The following SPATA2 variants were observed in gnomAD, a reference collection of about 807,000 sequenced individuals.
SPATA2 encodes spermatogenesis associated 2.
A neutral mutation model predicts 35.4 loss-of-function variants in SPATA2; 8 were observed. The observed-to-expected ratio is 0.23, with a 90% CI of 0.13 to 0.41. The LOEUF (loss-of-function observed/expected upper bound fraction) is 0.41, where lower values mean the gene tolerates loss of function less well. Ranked by LOEUF, SPATA2 falls within the 10% of genes least tolerant of loss-of-function variation. The pLI is 1.00. For missense variants in SPATA2, 650 were observed against 698.7 expected, an observed-to-expected ratio of 0.93 and a Z score of 0.79; for synonymous variants, 293 against 300.9, an observed-to-expected ratio of 0.97 and a Z score of 0.27.
chr20:49,909,883 T>C (rs1160219184), intron 1 of SPATA2, among the ~76,000 whole-genome samples: 1 of 152,214 alleles, frequency 6.6e-6, no homozygotes, highest in Non-Finnish European at 1.5e-5. Context: ...GATACGGTCT[T>C]ATTTACAATT....
chr20:49,905,521 G>T lies in SPATA2; in HGVS notation c.*98C>A. Reference sequence around the variant, plus strand: ...TCTGCCACCTACATGGTCAAGTGCAGGCCTCCGCCTCTGAGATCAATGCGT... The same window carrying T: ...TCTGCCACCTACATGGTCAAGTGCATGCCTCCGCCTCTGAGATCAATGCGT... On this transcript the variant is annotated 3_prime_UTR_variant, in exon 3 of 3. Coordinates refer to ENST00000289431, the MANE Select transcript of SPATA2 (RefSeq NM_006038.4). 7.2e-7 allele frequency: 1 copy of T among 1,395,734 alleles called. No homozygotes were observed. The highest frequency in any genetic ancestry group is 9.9e-7 in the Non-Finnish European group (1 of 1,014,856). 86.5% of individuals were successfully genotyped at this position (1,395,734 alleles called of 1,614,324 possible).
intron 1 of SPATA2, among the ~76,000 whole-genome samples, chr20:49,909,504 G>A (rs911407645): frequency 2.7e-5 from 4 of 150,734 alleles, no homozygotes; most frequent in African/African-American, 2.4e-5. Context: ...CCAGGAGCTC[G>A]AGACCAGCCT....
At chr20:49,912,678 C>T (rs577691937) in intron 1 of SPATA2, among the ~76,000 whole-genome samples, 1 of 152,266 alleles carries the variant, frequency 6.6e-6, no homozygotes, top group South Asian at 2.1e-4. Context: ...GTCAGCCAGT[C>T]TCAAGCTCGG....
chr20:49,914,100 C>G (rs2090196307), intron 1 of SPATA2, among the ~76,000 whole-genome samples: 2 of 151,842 alleles, frequency 1.3e-5, no homozygotes, highest in African/African-American at 4.8e-5. Context: ...CAGAGACAGG[C>G]AGGTGCCCAG....
chr20:49,906,791 T>C lies in SPATA2; in HGVS notation c.391A>G (p.Ile131Val), dbSNP rs1166090333. The stretch of plus-strand genomic sequence containing the variant: ...CCCATGCAGCTCAGGATGGCTCGGA[T>C]GTCCTCTTCCAGTAATGTCGACTTG... ...YVKSTLLEED[I>V]RAILSCMGYT... Residue 131 changes from isoleucine to valine, a missense_variant, in exon 3 of 3, where the codon ATC (isoleucine) becomes GTC (valine). Ile to Val is a conservative substitution (Grantham distance 29, BLOSUM62 3). Coordinates refer to ENST00000289431, the MANE Select transcript of SPATA2 (RefSeq NM_006038.4). This position sits in a 1 kb window ranked among gnomAD's most constrained non-coding sequence, Gnocchi z 8.2. 1 of 1,613,692 alleles carries C rather than the reference T, an allele frequency of 6.2e-7. No homozygotes were observed. Among genetic ancestry groups the C allele is most frequent in the Non-Finnish European group, 8.5e-7 (1 of 1,179,616 alleles).
chr20:49,910,988 G>A (rs2146834828), intron 1 of SPATA2, among the ~76,000 whole-genome samples: 1 of 152,336 alleles, frequency 6.6e-6, no homozygotes, highest in South Asian at 2.1e-4. Flanking sequence ...GCCAAGGCAG[G>A]AGGATTGCTC....
rs1279168722 is a variant in SPATA2, at chr20:49,903,722, T to C, written c.*1897A>G. 1 of 151,756 alleles carries C rather than the reference T, an allele frequency of 6.6e-6. No homozygotes were observed. The highest frequency in any genetic ancestry group is 2.4e-5 in the African/African-American group (1 of 41,270). 9.4% of individuals were successfully genotyped at this position (151,756 alleles called of 1,614,324 possible). A position where few individuals can be genotyped will look rare whatever the true frequency, so the allele number is the denominator to read the frequency against. On this transcript the variant is annotated 3_prime_UTR_variant, in exon 3 of 3. Transcript: ENST00000289431. ...GTTAGTTACTGTAATGCTGGCGCAA[T>C]CTGGAAATGGAAAACTAGAAAACTA...
At position 49,904,583 on chromosome 20, in the gene SPATA2, T is replaced by G. The variant is rs2090129199; in HGVS notation, c.*1036A>C. On this transcript the variant is annotated 3_prime_UTR_variant, in exon 3 of 3. Coordinates refer to ENST00000289431, the MANE Select transcript of SPATA2 (RefSeq NM_006038.4). ...GACCTCGACACCCGCGCTCACCCCC[T>G]AAGTGCACACTGGAGGTAGGTGTAT... is the stretch of plus-strand genomic sequence containing the variant. 6.6e-6 allele frequency: 1 copy of G among 152,594 alleles called. No homozygotes were observed. Among genetic ancestry groups the G allele is most frequent in the Non-Finnish European group, 1.5e-5 (1 of 68,048 alleles). 9.5% of individuals were successfully genotyped at this position (152,594 alleles called of 1,614,324 possible). A position where few individuals can be genotyped will look rare whatever the true frequency, so the allele number is the denominator to read the frequency against.
At position 49,908,545 on chromosome 20, in the gene SPATA2, A is replaced by C; in HGVS notation, c.-55T>G. The C allele has an allele frequency of 1.4e-6, 2 of 1,437,998 alleles. No individual in the cohort carries two copies. The highest frequency in any genetic ancestry group is 2.6e-5 in the South Asian group (2 of 76,112). The allele number at this position is 1,437,998 out of a possible 1,614,324, so 89.1% of individuals were successfully genotyped here. ...CATGGCTTCTGGATTAGAGGCAGGG[A>C]CATCACTAAAAGCATGGACATGTTG... On this transcript the variant is annotated 5_prime_UTR_variant, in exon 2 of 3. Coordinates refer to ENST00000289431, the MANE Select transcript of SPATA2 (RefSeq NM_006038.4).
intron 1 of SPATA2, among the ~76,000 whole-genome samples, chr20:49,914,623 C>G (rs879343015): frequency 6.6e-6 from 1 of 152,170 alleles, no homozygotes; most frequent in African/African-American, 2.4e-5. Flanking sequence ...AAGAAATTCA[C>G]ACAGAGTCCT....
chr20:49,907,747 T>C (rs1328211315), intron 2 of SPATA2, among the ~76,000 whole-genome samples: 2 of 152,066 alleles, frequency 1.3e-5, no homozygotes, highest in Non-Finnish European at 2.9e-5. Flanking sequence ...CTCAGCTTGC[T>C]GGGACCGCTG....
Position 49,905,717 on chromosome 20 carries a change from A to G in SPATA2, c.1465T>C (p.Tyr489His), listed in dbSNP as rs1440181665. 1.2e-6 allele frequency: 2 copies of G among 1,614,194 alleles called. 1 individual carries two copies. Among genetic ancestry groups the G allele is most frequent in the Admixed American group, 3.3e-5 (2 of 60,020 alleles). ...TCACTCTTTTTGTAGCAGGGGTCAT[A>G]ATGGTAAGCGCTGAGGCAGGCGTCA... ...SCDACLSAYH[Y>H]DPCYKKSELH... The change falls in exon 3 of 3, where the codon TAT (tyrosine) becomes CAT (histidine). Residue 489 changes from tyrosine to histidine, a missense_variant. By Grantham distance (83) the Tyr-to-His change is moderately conservative. Transcript: ENST00000289431.
At chr20:49,909,989 CCT>C (rs945711424) in intron 1 of SPATA2, among the ~76,000 whole-genome samples, 3 of 152,216 alleles carry the variant, frequency 2.0e-5, no homozygotes, top group Admixed American at 6.5e-5. Flanking sequence ...TTGACAGCCC[CCT>C]GTTGGGAGAG....
At chr20:49,914,623 C>A (rs879343015) in intron 1 of SPATA2, among the ~76,000 whole-genome samples, 4 of 152,170 alleles carry the variant, frequency 2.6e-5, no homozygotes, top group Non-Finnish European at 4.4e-5. Context: ...AAGAAATTCA[C>A]ACAGAGTCCT....
Position 49,906,263 on chromosome 20 carries a change from C to A in SPATA2, c.919G>T (p.Gly307Cys), listed in dbSNP as rs375710720. ...SLLTMASSPH[G>C]SPDVLPPASP... ...GCGGGTGGAAGCACATCCGGGCTGC[C>A]GTGGGGGGAGCTGGCCATGGTCAGC... The change falls in exon 3 of 3, where the codon GGC becomes TGC. Residue 307 changes from glycine to cysteine, a missense_variant. By Grantham distance (159) the Gly-to-Cys change is radical. Coordinates refer to ENST00000289431, the MANE Select transcript of SPATA2 (RefSeq NM_006038.4). This position sits in a 1 kb window ranked among gnomAD's most constrained non-coding sequence, Gnocchi z 8.2. The A allele has an allele frequency of 2.5e-5, 40 of 1,571,000 alleles. No homozygotes were observed. The highest frequency in any genetic ancestry group is 3.2e-5 in the Non-Finnish European group (37 of 1,157,028).
intron 1 of SPATA2, among the ~76,000 whole-genome samples, chr20:49,912,825 AAAAC>A (rs2090188731): frequency 6.6e-6 from 1 of 152,264 alleles, no homozygotes; most frequent in African/African-American, 2.4e-5. Flanking sequence ...AAGCCTATCT[AAAAC>A]AAATCTCAAA....
chr20:49,910,166 G>A (rs903245808), intron 1 of SPATA2, among the ~76,000 whole-genome samples: 2 of 152,232 alleles, frequency 1.3e-5, no homozygotes, highest in South Asian at 2.1e-4. Flanking sequence ...GAGACAACAC[G>A]CGCAGGGTCA....
rs1408313606 is a variant in SPATA2, at chr20:49,906,045, G to A, written c.1137C>T (p.Ala379=). Reference sequence around the variant, plus strand: ...GCCCGCAGCTTTGGCACTTGGAGAGGGCGGACTCTTTGGCAGGGGGCGAGC... The same window carrying A: ...GCCCGCAGCTTTGGCACTTGGAGAGAGCGGACTCTTTGGCAGGGGGCGAGC... ...HKRSPPAKES[A]LSKCQSCGLS... The change falls in exon 3 of 3, where the codon GCC becomes GCT. Residue 379 remains alanine (A), a synonymous_variant. Coordinates refer to ENST00000289431, the MANE Select transcript of SPATA2 (RefSeq NM_006038.4). The surrounding 1 kb of genome is among the most constrained non-coding windows in gnomAD (Gnocchi z 8.2). The A allele has an allele frequency of 1.2e-6, 2 of 1,606,048 alleles. No homozygotes were observed. The highest frequency in any genetic ancestry group is 1.7e-6 in the Non-Finnish European group (2 of 1,179,436).
At chr20:49,912,127 A>C (rs2090185121) in intron 1 of SPATA2, among the ~76,000 whole-genome samples, 1 of 152,224 alleles carries the variant, frequency 6.6e-6, no homozygotes, top group Admixed American at 6.5e-5. Context: ...TCCATAAAAA[A>C]ATAAACAATT....
Sources: allele counts gnomAD v4.1 joint callset (sites outside exome capture counted in the v4.1 genomes callset), GRCh38; gene constraint gnomAD v4.1.1; non-coding constraint Gnocchi (gnomAD v3.1); transcripts MANE v1.5; gene names NCBI Gene and HGNC (gene_info 2026-07-23, HGNC 2026-07-21).